The following TBC1D16 variants were observed in gnomAD, a reference collection of about 807,000 sequenced individuals.
TBC1D16 encodes CTD-2529O21.1.
In TBC1D16, 58 loss-of-function variants were observed where a neutral mutation model predicts 74.7. The ratio of observed to expected loss-of-function variants is 0.78; its 90% CI spans 0.63 to 0.97. The LOEUF is 0.97. Among genes scored for constraint, TBC1D16 ranks in the 50% least tolerant of loss-of-function variants. The pLI is 0.00. For missense variants in TBC1D16, 1,014 were observed against 1,079.5 expected (o/e 0.94, Z 0.85); for synonymous variants, 493 against 474.7 (o/e 1.04, Z -0.50).
rs558717830 is a variant in TBC1D16 at position 79,960,316 on chromosome 17, A to G, written c.780-7498T>C. Among the ~76,000 whole-genome samples, 3 of 152,328 alleles carry G rather than the reference A, an allele frequency of 2.0e-5. No homozygotes were observed. In the South Asian group the frequency reaches 6.2e-4, roughly 32 times the overall value. On this transcript the variant is annotated intron_variant, in intron 3 of 11. Transcript: ENST00000310924. ...AAAGATTTGAAAAGACATTTCACCA[A>G]AGAGGATATTCAGATGGCCAAGAAG... is the stretch of plus-strand genomic sequence containing the variant.
Position 80,025,261 on chromosome 17 carries a change from A to G in TBC1D16, c.-63+10534T>C, listed in dbSNP as rs1173994218. Among the ~76,000 whole-genome samples the G allele has an allele frequency of 2.0e-5, 3 of 149,866 alleles. 1 individual carries two copies. The highest frequency in any genetic ancestry group is 7.6e-5 in the African/African-American group (3 of 39,290). On this transcript the variant is annotated intron_variant, in intron 1 of 11. Transcript: ENST00000310924. Reference sequence around the variant, plus strand: ...CTACCAGCTTTGCCTCTGTTCTCCGACAGCGCCAGTGTTGACACGCCAGAG... The same window carrying G: ...CTACCAGCTTTGCCTCTGTTCTCCGGCAGCGCCAGTGTTGACACGCCAGAG...
At position 79,986,552 on chromosome 17, in the gene TBC1D16, C is replaced by A. The variant is rs2034842102; in HGVS notation, c.779+23608G>T. Among the ~76,000 whole-genome samples the A allele has an allele frequency of 6.6e-6, 1 of 152,188 alleles. No homozygotes were observed. Among genetic ancestry groups the A allele is most frequent in the Non-Finnish European group, 1.5e-5 (1 of 68,028 alleles). ...TCCACCAGAAAAGGCCAAAGAGAGA[C>A]CACACGTGCCGCCCCCTGCCGAAGC... On this transcript the variant is annotated intron_variant, in intron 3 of 11. Coordinates refer to ENST00000310924, the MANE Select transcript of TBC1D16 (RefSeq NM_019020.4). This position sits in a 1 kb window ranked among gnomAD's most constrained non-coding sequence, Gnocchi z 6.0.
intron 1 of TBC1D16, among the ~76,000 whole-genome samples, chr17:80,025,180 C>T (rs1391587698): frequency 1.3e-5 from 2 of 149,076 alleles, no homozygotes; most frequent in Non-Finnish European, 2.9e-5. Context: ...TAGACACACA[C>T]ATACCATGAC....
chr17:79,939,501 G>A lies in TBC1D16; in HGVS notation c.*1358C>T, dbSNP rs2031821714. ...AGCCTTCTATCCTGGTCCCCATGAT[G>A]GTTCTCAGCACATCAAGGGTTTTTC... On this transcript the variant is annotated 3_prime_UTR_variant, in exon 12 of 12. Coordinates refer to ENST00000310924, the MANE Select transcript of TBC1D16 (RefSeq NM_019020.4). 6.6e-6 allele frequency: 1 copy of A among 152,188 alleles called. No homozygotes were observed. Among genetic ancestry groups the A allele is most frequent in the Non-Finnish European group, 1.5e-5 (1 of 68,036 alleles). The allele number at this position is 152,188 out of a possible 1,614,324, so 9.4% of individuals were successfully genotyped here. A position where few individuals can be genotyped will look rare whatever the true frequency, so the allele number is the denominator to read the frequency against.
chr17:79,945,021 C>A lies in TBC1D16; in HGVS notation c.1795G>T (p.Glu599Ter). 6.3e-7 allele frequency: 1 copy of A among 1,580,758 alleles called. No homozygotes were observed. Among genetic ancestry groups the A allele is most frequent in the Non-Finnish European group, 8.6e-7 (1 of 1,164,382 alleles). ...RFYQHLVSLG[E>*]DGLQMLFCHR... is the part of the protein sequence containing the mutation. ...CAGAAGAGCATCTGCAGGCCGTCCT[C>A]GCCCAGCGAGACCAGGTGCTGGTAG... The change falls in exon 10 of 12, where the codon GAG (glutamate) becomes TAG (stop). Residue 599 changes from glutamate to a stop codon, truncating the protein, a stop_gained. Coordinates refer to ENST00000310924, the MANE Select transcript of TBC1D16 (RefSeq NM_019020.4). LOFTEE classifies it high-confidence loss of function.
intron 5 of TBC1D16, among the ~76,000 whole-genome samples, 185 bp downstream of exon 5, chr17:79,951,265 G>A (rs552033099): frequency 1.1e-4 from 16 of 152,306 alleles, no homozygotes; most frequent in African/African-American, 3.8e-4. Context: ...TGACTTTACC[G>A]AAAGCCCTGG....
rs1401055945 is a variant in TBC1D16 at position 79,940,282 on chromosome 17, C to G, written c.*577G>C. 6.6e-6 allele frequency: 1 copy of G among 152,242 alleles called. No individual in the cohort carries two copies. Among genetic ancestry groups the G allele is most frequent in the African/African-American group, 2.4e-5 (1 of 41,454 alleles). 9.4% of individuals were successfully genotyped at this position (152,242 alleles called of 1,614,324 possible). On this transcript the variant is annotated 3_prime_UTR_variant, in exon 12 of 12. Transcript: ENST00000310924. The surrounding 1 kb of genome is among the most constrained non-coding windows in gnomAD (Gnocchi z 5.4). ...CATCGGTTGGGCTTTTTATCTTTTG[C>G]TTTTCTTTTATGGCAGATGCCTTTC...
In TBC1D16 at chr17:79,942,149, C is replaced by T. The variant is rs781081023; in HGVS notation, c.1966G>A (p.Val656Ile). The change falls in exon 11 of 12, where the codon GTC (valine) becomes ATC (isoleucine). Residue 656 changes from valine to isoleucine, a missense_variant. Coordinates refer to ENST00000310924, the MANE Select transcript of TBC1D16 (RefSeq NM_019020.4). Reference sequence around the variant, plus strand: ...TCCGTGGCCAGCTGCTGCTCGATGACGTCATCCCCGTAGATGGCCACGATG... The same window carrying T: ...TCCGTGGCCAGCTGCTGCTCGATGATGTCATCCCCGTAGATGGCCACGATG... ...VAIVAIYGDDVIEQQLATDQM... is the reference protein window; with the variant it reads ...VAIVAIYGDDIIEQQLATDQM... 1.2e-5 allele frequency: 20 copies of T among 1,609,944 alleles called. No individual in the cohort carries two copies. The highest frequency in any genetic ancestry group is 2.2e-5 in the South Asian group (2 of 90,194).
chr17:79,997,602 A>G (rs2035323493), intron 3 of TBC1D16, among the ~76,000 whole-genome samples: 2 of 152,214 alleles, frequency 1.3e-5, no homozygotes, highest in South Asian at 2.1e-4. Flanking sequence ...AGGTTCACAG[A>G]AAAACTGAGC....
At chr17:79,969,107 C>A (rs1054026339) in intron 3 of TBC1D16, among the ~76,000 whole-genome samples, 1 of 152,296 alleles carries the variant, frequency 6.6e-6, no homozygotes, top group South Asian at 2.1e-4. Context: ...CAAATCAAGG[C>A]CGAGCGTGGT....
chr17:79,945,836 C>T (rs535583558), intron 9 of TBC1D16, among the ~76,000 whole-genome samples: 3 of 152,366 alleles, frequency 2.0e-5, no homozygotes, highest in South Asian at 4.1e-4. Flanking sequence ...TTCAGCCCCC[C>T]GGCCCAGGTG....
intron 3 of TBC1D16, among the ~76,000 whole-genome samples, chr17:79,955,641 C>T (rs1252295294): frequency 6.6e-6 from 1 of 152,118 alleles, no homozygotes; most frequent in African/African-American, 2.4e-5. Context: ...GTTTTGCAGG[C>T]GATAACTCCC....
At chr17:80,028,785 A>AT (rs11307792) in intron 1 of TBC1D16, among the ~76,000 whole-genome samples, 3 of 151,142 alleles carry the variant, frequency 2.0e-5, no homozygotes, top group Admixed American at 6.6e-5. Flanking sequence ...TAACTTTTGT[A>AT]TTTTTTTTAG....
At chr17:79,945,886 G>A (rs572417508) in intron 9 of TBC1D16, among the ~76,000 whole-genome samples, 8 of 152,382 alleles carry the variant, frequency 5.2e-5, no homozygotes, top group African/African-American at 1.9e-4. Flanking sequence ...GGCAGAGCTC[G>A]GGGCCACATG....
chr17:79,950,036 A>G lies in TBC1D16; in HGVS notation c.1258-171T>C, dbSNP rs2032917812. Among the ~76,000 whole-genome samples the G allele has an allele frequency of 6.6e-6, 1 of 152,192 alleles. No homozygotes were observed. Among genetic ancestry groups the G allele is most frequent in the Admixed American group, 6.5e-5 (1 of 15,292 alleles). On this transcript the variant is annotated intron_variant, in intron 6 of 11. Coordinates refer to ENST00000310924, the MANE Select transcript of TBC1D16 (RefSeq NM_019020.4). This position sits in a 1 kb window ranked among gnomAD's most constrained non-coding sequence, Gnocchi z 4.6. ...GTGGCCTTCAATTCCCATACAGGAC[A>G]CAAACCCGGCTCATTTCAATGTCAA...
In TBC1D16 at chr17:79,935,152, A is replaced by G. The variant is rs1464587176; in HGVS notation, c.*5707T>C. The G allele has an allele frequency of 6.6e-6, 1 of 152,270 alleles. No homozygotes were observed. Among genetic ancestry groups the G allele is most frequent in the Non-Finnish European group, 1.5e-5 (1 of 68,046 alleles). The allele number at this position is 152,270 out of a possible 1,614,324, so 9.4% of individuals were successfully genotyped here. On this transcript the variant is annotated 3_prime_UTR_variant, in exon 12 of 12. Coordinates refer to ENST00000310924, the MANE Select transcript of TBC1D16 (RefSeq NM_019020.4). The stretch of plus-strand genomic sequence containing the variant: ...CCTGAAACCAGAGCCCCGGCAGCCA[A>G]GGCTCAATAAAATACTGTTTGTGTT...
chr17:80,010,386 C>T lies in TBC1D16; in HGVS notation c.553G>A (p.Gly185Arg), dbSNP rs140560610. The T allele has an allele frequency of 3.8e-5, 62 of 1,611,856 alleles. No individual in the cohort carries two copies. The highest frequency in any genetic ancestry group is 1.2e-4 in the African/African-American group (9 of 74,912). Residue 185 changes from glycine to arginine, a missense_variant, in exon 3 of 12, where the codon GGG (glycine) becomes AGG (arginine). Physicochemically the swap from Gly to Arg is moderately radical, Grantham distance 125. Coordinates refer to ENST00000310924, the MANE Select transcript of TBC1D16 (RefSeq NM_019020.4). The surrounding 1 kb of genome is among the most constrained non-coding windows in gnomAD (Gnocchi z 8.8). ...PASQPACSPS[G>R]ILSTVSPQDV... ...TGCGGACTGACCGTCGACAAGATCC[C>T]GGAGGGGCTGCAAGCAGGCTGCGAG...
chr17:80,020,814 G>A (rs867258295), intron 1 of TBC1D16, among the ~76,000 whole-genome samples: 1 of 150,116 alleles, frequency 6.7e-6, no homozygotes, highest in South Asian at 2.1e-4. Context: ...TCCCCGAAAT[G>A]TAAGAGTGCT....
At chr17:80,025,341 CGGATCCG>C (rs2036538284) in intron 1 of TBC1D16, among the ~76,000 whole-genome samples, 1 of 4,734 alleles carries the variant, frequency 2.1e-4, no homozygotes, top group Non-Finnish European at 8.3e-4. Flanking sequence ...AAGCCCCAGG[CGGATCCG>C]GGGCCGCAGG....
Sources: allele counts gnomAD v4.1 joint callset (sites outside exome capture counted in the v4.1 genomes callset), GRCh38; gene constraint gnomAD v4.1.1; non-coding constraint Gnocchi (gnomAD v3.1); transcripts MANE v1.5; gene names NCBI Gene and HGNC (gene_info 2026-07-23, HGNC 2026-07-21).